Variants in DNMBP observed in about 807,000 individuals in gnomAD.
The protein encoded by DNMBP is dynamin-binding protein.
Under a neutral mutation model 150.0 loss-of-function variants are expected in DNMBP, and 87 were observed. That is an observed-to-expected ratio of 0.58 (90% CI 0.49 to 0.69). The LOEUF (loss-of-function observed/expected upper bound fraction) is 0.69, where lower values mean the gene tolerates loss of function less well. Among genes scored for constraint, DNMBP ranks in the 30% least tolerant of loss-of-function variants. The pLI, the probability that DNMBP is intolerant of heterozygous loss-of-function variation, is 0.00. For missense variants in DNMBP, 1,774 were observed against 1,949.0 expected (o/e 0.91, Z 1.69); for synonymous variants, 711 against 750.4 (o/e 0.95, Z 0.86).
In DNMBP at chr10:99,990,786, CACAT is replaced by C. The variant is rs752481657; in HGVS notation, c.-10-18656_-10-18653del. On this transcript the variant is annotated intron_variant, in intron 1 of 16. Coordinates refer to ENST00000324109, the MANE Select transcript of DNMBP (RefSeq NM_015221.4). ...ATACACATATATACACATATATACA[CACAT>C]ATATACACACATATATACACATATA... Among the ~76,000 whole-genome samples the C allele has an allele frequency of 1.3e-4, 9 of 67,234 alleles. 1 individual carries two copies. Among genetic ancestry groups the C allele is most frequent in the African/African-American group, 5.4e-4 (8 of 14,702 alleles). The allele number at this position is 67,234 out of a possible 152,430, so 44.1% of individuals were successfully genotyped here. A position where few individuals can be genotyped will look rare whatever the true frequency, so the allele number is the denominator to read the frequency against.
chr10:99,948,042 G>A (rs1277168308), intron 4 of DNMBP, among the ~76,000 whole-genome samples: 6 of 152,074 alleles, frequency 3.9e-5, no homozygotes, highest in Admixed American at 2.0e-4. Context: ...GTGGGGGCAC[G>A]GGATATGGGA....
At chr10:99,928,157 T>C (rs968692038) in intron 4 of DNMBP, 1 of 152,198 alleles carries the variant, frequency 6.6e-6, no homozygotes, top group African/African-American at 2.4e-5. Context: ...TTTGTCTTTA[T>C]AGGTGCAGGT....
intron 1 of DNMBP, among the ~76,000 whole-genome samples, chr10:100,002,208 A>G (rs1424845426): frequency 6.6e-6 from 1 of 152,216 alleles, no homozygotes; most frequent in East Asian, 1.9e-4. Context: ...CCAACGTTTT[A>G]GCAGGGGTTG....
At chr10:99,975,034 AC>A (rs1410767310) in intron 1 of DNMBP, among the ~76,000 whole-genome samples, 23 of 152,322 alleles carry the variant, frequency 1.5e-4, no homozygotes, top group Middle Eastern at 6.8e-3. Context: ...CCAGGGGGTT[AC>A]AGGGAGAAGC....
Position 99,877,101 on chromosome 10 carries a change from CGG to C in DNMBP, c.*48_*49del. The C allele has an allele frequency of 1.4e-6, 2 of 1,397,874 alleles. No individual in the cohort carries two copies. The highest frequency in any genetic ancestry group is 1.7e-5 in the South Asian group (1 of 59,892). 86.6% of individuals were successfully genotyped at this position (1,397,874 alleles called of 1,614,324 possible). On this transcript the variant is annotated 3_prime_UTR_variant, in exon 17 of 17. Transcript: ENST00000324109. ...CCTCTCGGTGGGCCGCCAGAACCCT[CGG>C]CGGACTGAAAGCAAAGGCAGCAAGG...
At position 99,886,409 on chromosome 10, in the gene DNMBP, T is replaced by A. The variant is rs1458337976; in HGVS notation, c.3509A>T (p.Lys1170Met). 1.2e-6 allele frequency: 2 copies of A among 1,614,094 alleles called. No homozygotes were observed. The highest frequency in any genetic ancestry group is 3.3e-5 in the Admixed American group (2 of 60,004). ...LNAQLLDELP[K>M]FHQYAQGLFT... ...GAGGCCCTGGGCGTACTGGTGGAAC[T>A]TGGGCAGCTCATCCAGCAGCTGTGC... The change falls in exon 13 of 17, where the codon AAG (lysine) becomes ATG (methionine). Residue 1170 changes from lysine to methionine, a missense_variant. Transcript: ENST00000324109.
chr10:99,979,559 T>C (rs980993742), intron 1 of DNMBP, among the ~76,000 whole-genome samples: 1 of 152,132 alleles, frequency 6.6e-6, no homozygotes, highest in African/African-American at 2.4e-5. Flanking sequence ...CTTAGTTTAG[T>C]CCCCACCAAT....
chr10:99,905,697 G>T (rs949398739), intron 6 of DNMBP, among the ~76,000 whole-genome samples: 9 of 152,174 alleles, frequency 5.9e-5, no homozygotes, highest in African/African-American at 2.2e-4. Flanking sequence ...AAAAACATGT[G>T]TGGCGGCTCG....
At chr10:100,002,916 A>G (rs1022153635) in intron 1 of DNMBP, among the ~76,000 whole-genome samples, 2 of 152,212 alleles carry the variant, frequency 1.3e-5, no homozygotes, top group Non-Finnish European at 2.9e-5. Flanking sequence ...CAAACATTAT[A>G]TGAAATAGGA....
chr10:99,879,004 G>A (rs1564711546), intron 16 of DNMBP, among the ~76,000 whole-genome samples: 1 of 149,170 alleles, frequency 6.7e-6, no homozygotes, highest in Non-Finnish European at 1.5e-5. Flanking sequence ...AGAATCGCTT[G>A]AACCTGGGAG....
chr10:99,999,254 GGCTTT>G (rs1451108416), intron 1 of DNMBP, among the ~76,000 whole-genome samples: 1 of 152,212 alleles, frequency 6.6e-6, no homozygotes, highest in African/African-American at 2.4e-5. Context: ...TGAGAGCACG[GGCTTT>G]GGAGGTAAAC....
chr10:99,959,086 G>A (rs2040532114), intron 3 of DNMBP, among the ~76,000 whole-genome samples: 1 of 152,074 alleles, frequency 6.6e-6, no homozygotes, highest in East Asian at 1.9e-4. Context: ...ATAGAATCTG[G>A]TTTTCTTTTA....
chr10:99,986,856 T>C (rs1158420239), intron 1 of DNMBP, among the ~76,000 whole-genome samples: 1 of 152,032 alleles, frequency 6.6e-6, no homozygotes, highest in Non-Finnish European at 1.5e-5. Context: ...GTTCACTTCA[T>C]GTAAAAGAAA....
chr10:99,885,888 G>C (rs754929207), intron 13 of DNMBP, 22 bp from the exon 14 acceptor site: 2 of 1,578,056 alleles, frequency 1.3e-6, no homozygotes, highest in Non-Finnish European at 1.7e-6. Context: ...GGGAAGAGCA[G>C]AGATAGAGAA....
chr10:99,930,579 C>A (rs1468416102), intron 4 of DNMBP: 2 of 702,866 alleles, frequency 2.8e-6, no homozygotes, highest in Admixed American at 4.0e-5. Context: ...ATCCCTTTTT[C>A]TGTAGGGCTG....
chr10:99,930,142 G>A, intron 4 of DNMBP: 1 of 702,884 alleles, frequency 1.4e-6, no homozygotes, highest in Non-Finnish European at 2.6e-6. Context: ...TAACTCCCAG[G>A]AACATGATAT....
At chr10:99,954,411 A>G (rs1221320588) in intron 4 of DNMBP, among the ~76,000 whole-genome samples, 1 of 152,014 alleles carries the variant, frequency 6.6e-6, no homozygotes, top group African/African-American at 2.4e-5. Context: ...AAACAGAGTC[A>G]GAGGCTCAAG....
intron 1 of DNMBP, among the ~76,000 whole-genome samples, chr10:99,988,253 A>AT (rs1376195741): frequency 4.6e-5 from 7 of 152,062 alleles, no homozygotes; most frequent in Non-Finnish European, 8.8e-5. Flanking sequence ...AGAGACTTCA[A>AT]TTTTCAATTT....
chr10:99,927,958 G>A (rs1277391839), intron 4 of DNMBP, among the ~76,000 whole-genome samples: 3 of 152,170 alleles, frequency 2.0e-5, no homozygotes, highest in African/African-American at 7.2e-5. Context: ...ACAGATGCGG[G>A]GGGAAGGGAA....
Sources: gnomAD v4.1 joint callset for allele counts (sites outside exome capture counted in the v4.1 genomes callset) on GRCh38, gnomAD v4.1.1 for gene constraint, MANE v1.5 for transcripts, NCBI Gene and HGNC (gene_info 2026-07-23, HGNC 2026-07-21) for gene names.